Variants in DMD observed in about 807,000 individuals in gnomAD.
DMD encodes mutant dystrophin.
DMD carries 63 observed loss-of-function variants against 330.1 expected under a neutral mutation model. That is an observed-to-expected ratio of 0.19 (90% confidence interval 0.16 to 0.24). The LOEUF is 0.24. Among genes scored for constraint, DMD ranks in the 10% least tolerant of loss-of-function variants. The probability of loss-of-function intolerance (pLI) is 1.00; values close to 1 mark genes in which losing one functional copy is unlikely to be tolerated. For synonymous variants in DMD, 1,223 were observed against 959.8 expected (o/e 1.27, Z -5.07); for missense variants, 3,344 against 2,684.1 (o/e 1.25, Z -5.43).
intron 1 of DMD, among the ~76,000 whole-genome samples, chrX:33,140,959 A>G (rs971269185): frequency 8.9e-5 from 10 of 112,344 alleles, no homozygotes; most frequent in African/African-American, 3.2e-4. Context: ...TATATATACA[A>G]TATACAAAAT....
intron 1 of DMD, among the ~76,000 whole-genome samples, chrX:33,025,394 A>G (rs2093977067): frequency 9.0e-6 from 1 of 111,244 alleles, no homozygotes; most frequent in Non-Finnish European, 1.9e-5. Context: ...GTTAGGAGCG[A>G]GATGCTGGAG....
intron 11 of DMD, among the ~76,000 whole-genome samples, chrX:32,636,236 G>A (rs1001782181): frequency 8.9e-6 from 1 of 111,810 alleles, no homozygotes; most frequent in African/African-American, 3.3e-5. Context: ...AAGCCAAGGA[G>A]AGCATGTCAT....
At chrX:32,207,590 C>T (rs1456738) in intron 44 of DMD, among the ~76,000 whole-genome samples, 17,390 of 111,419 alleles carry the variant, frequency 0.16, 1,101 homozygotes, top group African/African-American at 0.22. Context: ...AATATTTCAA[C>T]AGTTCAGCCA....
intron 60 of DMD, among the ~76,000 whole-genome samples, chrX:31,382,674 A>G (rs376793459): frequency 2.3e-3 from 252 of 111,114 alleles, no homozygotes; most frequent in African/African-American, 7.9e-3. Flanking sequence ...TATCCAGGCC[A>G]TCACCAATAA....
chrX:32,194,853 A>T (rs2685897), intron 44 of DMD, among the ~76,000 whole-genome samples: 1 of 110,495 alleles, frequency 9.1e-6, no homozygotes, highest in Non-Finnish European at 1.9e-5. Flanking sequence ...ATTCTAAGCC[A>T]TAATAAAGAG....
intron 44 of DMD, among the ~76,000 whole-genome samples, chrX:32,138,312 C>T (rs2096736993): frequency 9.0e-6 from 1 of 111,068 alleles, no homozygotes; most frequent in Admixed American, 9.6e-5. Context: ...TCATTCAGAT[C>T]TTGATTTGAA....
chrX:33,335,283 C>T (rs139569192), intron 1 of DMD, among the ~76,000 whole-genome samples: 1 of 108,388 alleles, frequency 9.2e-6, no homozygotes, highest in African/African-American at 3.3e-5. Flanking sequence ...TATACACACA[C>T]ACACCATTAT....
rs1376447689 is a variant in DMD, at chrX:32,206,297, T to C, written c.6438+10619A>G. 7.3e-6 allele frequency: 4 copies of C among 546,274 alleles called. No individual in the cohort carries two copies. In the African/African-American group the frequency reaches 9.2e-5, roughly 13 times the overall value. The allele number at this position is 546,274 out of a possible 1,213,427, so 45.0% of individuals were successfully genotyped here. A position where few individuals can be genotyped will look rare whatever the true frequency, so the allele number is the denominator to read the frequency against. Reference sequence around the variant, plus strand: ...AGGAGGAGGATGTGAAACTCATAAGTATATCTGGAAAGCGATCTGCTCCTG... The same window carrying C: ...AGGAGGAGGATGTGAAACTCATAAGCATATCTGGAAAGCGATCTGCTCCTG... On this transcript the variant is annotated intron_variant, in intron 44 of 78. Coordinates refer to ENST00000357033, the MANE Select transcript of DMD (RefSeq NM_004006.3).
In DMD at chrX:33,030,196, A is replaced by T. The variant is rs750458957; in HGVS notation, c.32-9996T>A. On this transcript the variant is annotated intron_variant, in intron 1 of 78. Transcript: ENST00000357033. Reference sequence around the variant, plus strand: ...AAATCTTTACTTCCAAATATATTACAACTTCCCGTGGGTCTTCTGTATAAA... The same window carrying T: ...AAATCTTTACTTCCAAATATATTACTACTTCCCGTGGGTCTTCTGTATAAA... 6.3e-5 allele frequency among the ~76,000 whole-genome samples: 7 copies of T among 111,968 alleles called. No homozygotes were observed. The East Asian group carries it at 2.0e-3, about 31-fold the overall frequency.
At chrX:32,632,076 T>C (rs181426045) in intron 11 of DMD, among the ~76,000 whole-genome samples, 4 of 112,299 alleles carry the variant, frequency 3.6e-5, no homozygotes, top group African/African-American at 9.7e-5. Flanking sequence ...AACCAATTAG[T>C]TACTTCCAAG....
chrX:31,848,629 A>G (rs2093468561), intron 48 of DMD, among the ~76,000 whole-genome samples: 1 of 111,084 alleles, frequency 9.0e-6, no homozygotes, highest in Non-Finnish European at 1.9e-5. Context: ...TTTTCTTCAT[A>G]GTATTGATAG....
chrX:32,419,962 TGGG>T (rs1445723312), intron 29 of DMD, among the ~76,000 whole-genome samples: 3 of 112,043 alleles, frequency 2.7e-5, no homozygotes, highest in African/African-American at 9.7e-5. Context: ...TTTATCCTCA[TGGG>T]TAGACAAGTG....
intron 2 of DMD, among the ~76,000 whole-genome samples, chrX:32,882,176 G>GA (rs1320992830): frequency 3.6e-5 from 4 of 111,888 alleles, no homozygotes; most frequent in Non-Finnish European, 7.5e-5. Flanking sequence ...CTATCCCAGA[G>GA]AGGGTAGCAC....
intron 1 of DMD, among the ~76,000 whole-genome samples, chrX:33,140,788 C>T (rs927088945): frequency 3.6e-5 from 4 of 112,049 alleles, no homozygotes; most frequent in African/African-American, 9.7e-5. Flanking sequence ...CCTGCAGATG[C>T]TAATGGGGTG....
chrX:31,388,272 A>G (rs1341027680), intron 60 of DMD, among the ~76,000 whole-genome samples: 4 of 109,598 alleles, frequency 3.6e-5, no homozygotes, highest in Non-Finnish European at 5.7e-5. Context: ...CAAAGTGCTG[A>G]GATTACAGGA....
At chrX:32,277,312 A>G (rs1273788878) in intron 43 of DMD, among the ~76,000 whole-genome samples, 2 of 111,967 alleles carry the variant, frequency 1.8e-5, no homozygotes, top group East Asian at 5.7e-4. Flanking sequence ...GAGTACAGAT[A>G]TATAAAGCAA....
chrX:33,070,900 T>C (rs1444060237), intron 1 of DMD, among the ~76,000 whole-genome samples: 1 of 108,641 alleles, frequency 9.2e-6, no homozygotes, highest in Non-Finnish European at 1.9e-5. Flanking sequence ...AATAGACCAG[T>C]GAATGAGGAA....
At chrX:31,230,896 G>T (rs2047132121) in intron 63 of DMD, among the ~76,000 whole-genome samples, 1 of 111,878 alleles carries the variant, frequency 8.9e-6, no homozygotes, top group Admixed American at 9.5e-5. Context: ...TGGCAGAGTT[G>T]AAATTCAAAT....
intron 56 of DMD, among the ~76,000 whole-genome samples, chrX:31,505,182 T>G (rs1175262289): frequency 8.9e-6 from 1 of 112,091 alleles, no homozygotes; most frequent in Non-Finnish European, 1.9e-5. Flanking sequence ...CATTCTTTTT[T>G]AATGACGAAG....
Sources: allele counts gnomAD v4.1 joint callset (sites outside exome capture counted in the v4.1 genomes callset), GRCh38; gene constraint gnomAD v4.1.1; transcripts MANE v1.5; gene names NCBI Gene and HGNC (gene_info 2026-07-23, HGNC 2026-07-21).